AFAP1: variants seen among roughly 807,000 people sequenced by gnomAD.
The protein encoded by AFAP1 is actin filament associated protein 1.
In AFAP1, 75 loss-of-function variants were observed where a neutral mutation model predicts 93.9. The ratio of observed to expected loss-of-function variants is 0.80; its 90% CI spans 0.66 to 0.97. The LOEUF is 0.97. Ranked by LOEUF, AFAP1 falls within the 50% of genes least tolerant of loss-of-function variation. The probability of loss-of-function intolerance (pLI) is 0.00; values close to 1 mark genes in which losing one functional copy is unlikely to be tolerated. For synonymous variants in AFAP1, 517 were observed against 430.7 expected, an observed-to-expected ratio of 1.20 and a Z score of -2.48; for missense variants, 1,201 against 1,050.8, an observed-to-expected ratio of 1.14 and a Z score of -1.98.
At chr4:7,933,019 C>CA (rs11369145) in intron 1 of AFAP1, among the ~76,000 whole-genome samples, 16,125 of 50,794 alleles carry the variant, frequency 0.32, 3,417 homozygotes, top group African/African-American at 0.4. Flanking sequence ...GACTCCCTCT[C>CA]AAAAAAAAAA....
intron 7 of AFAP1, among the ~76,000 whole-genome samples, chr4:7,817,426 C>A (rs1012777705): frequency 6.6e-6 from 1 of 152,146 alleles, no homozygotes; most frequent in African/African-American, 2.4e-5. Flanking sequence ...CATGGTGAAA[C>A]CCCCGTCTCC....
intron 1 of AFAP1, among the ~76,000 whole-genome samples, chr4:7,937,952 A>AGT (rs1468688615): frequency 6.6e-6 from 1 of 152,218 alleles, no homozygotes; most frequent in East Asian, 1.9e-4. Flanking sequence ...ATTTACCCGC[A>AGT]TGCACAAACT....
At chr4:7,777,759 G>C (rs1465877433) in intron 14 of AFAP1, 7 of 152,148 alleles carry the variant, frequency 4.6e-5, no homozygotes, top group African/African-American at 1.7e-4. Context: ...AATCTTCCTG[G>C]ACATGCCCAG....
intron 4 of AFAP1, among the ~76,000 whole-genome samples, chr4:7,847,010 A>G (rs1713784014): frequency 6.6e-6 from 1 of 152,260 alleles, no homozygotes; most frequent in African/African-American, 2.4e-5. Flanking sequence ...TATGAAAAAG[A>G]CAATTAAGTT....
intron 17 of AFAP1, 125 bp downstream of exon 17, chr4:7,768,719 C>CT (rs1242598209): frequency 4.1e-6 from 5 of 1,231,550 alleles, no homozygotes; most frequent in Non-Finnish European, 5.4e-6. Context: ...CAGATGTCTA[C>CT]TGAAGGCTGA....
At chr4:7,831,067 C>A (rs1026062253) in intron 6 of AFAP1, among the ~76,000 whole-genome samples, 7 of 152,106 alleles carry the variant, frequency 4.6e-5, no homozygotes, top group Admixed American at 3.9e-4. Context: ...AAAAAAGATT[C>A]TTAAGTCCCT....
At chr4:7,925,852 A>AG (rs144144200) in intron 1 of AFAP1, among the ~76,000 whole-genome samples, 6 of 82,196 alleles carry the variant, frequency 7.3e-5, no homozygotes, top group Admixed American at 6.2e-4. Flanking sequence ...TCTCAAAAAA[A>AG]AAAAGAAAGA....
At chr4:7,926,953 C>A (rs929133717) in intron 1 of AFAP1, among the ~76,000 whole-genome samples, 4 of 152,202 alleles carry the variant, frequency 2.6e-5, no homozygotes, top group Admixed American at 1.3e-4. Context: ...CCAGGCTGGT[C>A]TCAAACTCCC....
chr4:7,816,024 C>T lies in AFAP1; in HGVS notation c.898G>A (p.Glu300Lys), dbSNP rs1720440951. Residue 300 changes from glutamate to lysine, a missense_variant, in exon 8 of 18, where the codon GAG becomes AAG. Physicochemically the swap from Glu to Lys is moderately conservative, Grantham distance 56 (BLOSUM62 1). Coordinates refer to ENST00000420658, the MANE Select transcript of AFAP1 (RefSeq NM_001134647.2). ...ENGITTCNGK[E>K]QVKRKKSSKS... ...TGGCACAAGCAGAACTCACCTTGCT[C>T]CTTTCCATTACATGTGGTAATTCCA... The T allele has an allele frequency of 6.2e-7, 1 of 1,611,854 alleles. No individual in the cohort carries two copies. The highest frequency in any genetic ancestry group is 1.3e-5 in the African/African-American group (1 of 74,802).
rs1048369247 is a variant in AFAP1 at position 7,759,196 on chromosome 4, T to C, written c.*4569A>G. 1.3e-5 allele frequency: 2 copies of C among 152,668 alleles called. No individual in the cohort carries two copies. The highest frequency in any genetic ancestry group is 2.9e-5 in the Non-Finnish European group (2 of 68,046). 9.5% of individuals were successfully genotyped at this position (152,668 alleles called of 1,614,324 possible). On this transcript the variant is annotated 3_prime_UTR_variant, in exon 18 of 18. Coordinates refer to ENST00000420658, the MANE Select transcript of AFAP1 (RefSeq NM_001134647.2). The stretch of plus-strand genomic sequence containing the variant: ...TCTTGTTAGAAAATCAAAAAGATTA[T>C]CTCATTAAAAACACCTTTGGTCCTA...
chr4:7,929,167 C>G (rs1220762504), intron 1 of AFAP1, among the ~76,000 whole-genome samples: 1 of 152,078 alleles, frequency 6.6e-6, no homozygotes, highest in East Asian at 1.9e-4. Flanking sequence ...GTCTCCTGCC[C>G]CCTGTACAAC....
At chr4:7,899,268 C>T (rs898771775) in intron 1 of AFAP1, among the ~76,000 whole-genome samples, 3 of 152,078 alleles carry the variant, frequency 2.0e-5, no homozygotes, top group Admixed American at 6.5e-5. Context: ...TACAGTTATA[C>T]GCATTTGCTT....
At chr4:7,781,764 AGTT>A (rs764643552) in intron 12 of AFAP1, 137 bp from the exon 13 acceptor site, 125 of 1,172,684 alleles carry the variant, frequency 1.1e-4, no homozygotes, top group Non-Finnish European at 1.4e-4. Flanking sequence ...CACAGACTGC[AGTT>A]GTTATCAATA....
chr4:7,838,517 A>G lies in AFAP1; in HGVS notation c.726+7T>C. ...GAAATGGCTGTGAAACACAGCAGAC[A>G]ACCTACCTTCAGCCACTGCTCGGCC... is the stretch of plus-strand genomic sequence containing the variant. On this transcript the variant is annotated splice_region_variant and intron_variant, in intron 6 of 17. Coordinates refer to ENST00000420658, the MANE Select transcript of AFAP1 (RefSeq NM_001134647.2). 1.9e-6 allele frequency: 3 copies of G among 1,610,640 alleles called. No homozygotes were observed. Among genetic ancestry groups the G allele is most frequent in the Non-Finnish European group, 2.5e-6 (3 of 1,178,010 alleles).
At chr4:7,783,165 AG>A (rs1716940189) in intron 12 of AFAP1, among the ~76,000 whole-genome samples, 1 of 151,944 alleles carries the variant, frequency 6.6e-6, no homozygotes, top group Non-Finnish European at 1.5e-5. Context: ...TTTGAGATGG[AG>A]TCTTGCTCTG....
At chr4:7,766,950 T>C (rs1193329123) in intron 17 of AFAP1, among the ~76,000 whole-genome samples, 1 of 151,450 alleles carries the variant, frequency 6.6e-6, no homozygotes, top group Non-Finnish European at 1.5e-5. Context: ...GGCATAGCGC[T>C]TCCCACATCC....
intron 1 of AFAP1, among the ~76,000 whole-genome samples, chr4:7,880,677 G>A (rs562500118): frequency 4.6e-5 from 7 of 152,346 alleles, no homozygotes; most frequent in African/African-American, 1.7e-4. Flanking sequence ...CGGGAACGGG[G>A]TGACCAGACC....
intron 16 of AFAP1, among the ~76,000 whole-genome samples, chr4:7,771,371 C>T (rs1715410420): frequency 6.6e-6 from 1 of 152,030 alleles, no homozygotes; most frequent in Admixed American, 6.5e-5. Context: ...CACACCTTTA[C>T]ATATTAAATA....
chr4:7,814,787 C>A (rs1376592956), intron 8 of AFAP1, among the ~76,000 whole-genome samples: 1 of 152,178 alleles, frequency 6.6e-6, no homozygotes, highest in Non-Finnish European at 1.5e-5. Context: ...AGCACAGGGG[C>A]TGGGGGGTTA....
Sources: allele counts gnomAD v4.1 joint callset (sites outside exome capture counted in the v4.1 genomes callset), GRCh38; gene constraint gnomAD v4.1.1; transcripts MANE v1.5; gene names NCBI Gene and HGNC (gene_info 2026-07-23, HGNC 2026-07-21).